The following SURF6 variants were observed in gnomAD, a reference collection of about 807,000 sequenced individuals.
SURF6 encodes the protein surfeit 6.
In SURF6, 28 loss-of-function variants were observed where a neutral mutation model predicts 37.5. The observed-to-expected ratio is 0.75, with a 90% CI of 0.55 to 1.02. The LOEUF is 1.02. Ranked by LOEUF, SURF6 falls within the 50% of genes least tolerant of loss-of-function variation. The pLI is 0.00. For missense variants in SURF6, 560 were observed against 490.5 expected, an observed-to-expected ratio of 1.14 and a Z score of -1.34; for synonymous variants, 248 against 210.9, an observed-to-expected ratio of 1.18 and a Z score of -1.52.
Position 133,332,001 on chromosome 9 carries a change from C to T in SURF6, c.954G>A (p.Met318Ile), listed in dbSNP as rs2129913725. ...GCCGCCGCCGGTCCTGGCGCTGCTG[C>T]ATCTTCTCCACCACGCCGGCCGTGC... ...EKRTAGVVEK[M>I]QQRQDRRRQN... Residue 318 changes from methionine to isoleucine, a missense_variant, in exon 5 of 5, where the codon ATG (methionine) becomes ATA (isoleucine). Met to Ile is a conservative substitution (Grantham distance 10). Transcript: ENST00000372022. 4 of 1,599,696 alleles carry T rather than the reference C, an allele frequency of 2.5e-6. No individual in the cohort carries two copies. The highest frequency in any genetic ancestry group is 2.5e-6 in the Non-Finnish European group (3 of 1,179,108).
chr9:133,332,172 C>T lies in SURF6; in HGVS notation c.783G>A (p.Ala261=), dbSNP rs1447320030. ...DELRGQDEGK[A]QELEAKMKWT... The stretch of plus-strand genomic sequence containing the variant: ...ACTTCATCTTCGCCTCCAGCTCCTG[C>T]GCCTTCCCCTCATCCTGGCCGCGCA... Residue 261 remains alanine (A), a synonymous_variant, in exon 5 of 5, where the codon GCG becomes GCA. Transcript: ENST00000372022. 6.2e-6 allele frequency: 10 copies of T among 1,610,334 alleles called. 1 individual carries two copies. In the South Asian group the frequency reaches 8.8e-5, roughly 14 times the overall value.
At chr9:133,335,602 G>GC (rs1835853129) in intron 1 of SURF6, among the ~76,000 whole-genome samples, 1 of 151,724 alleles carries the variant, frequency 6.6e-6, no homozygotes, top group Admixed American at 6.6e-5. Context: ...AAGCGCAGGA[G>GC]CCCTCTGCCA....
rs1239681840 is a variant in SURF6, at chr9:133,331,715, C to G, written c.*154G>C. 3.1e-6 allele frequency: 3 copies of G among 979,638 alleles called. No individual in the cohort carries two copies. The highest frequency in any genetic ancestry group is 1.7e-5 in the African/African-American group (1 of 58,280). 60.7% of individuals were successfully genotyped at this position (979,638 alleles called of 1,614,324 possible). ...CTCTTTCTCACATGGGATCTGTGAT[C>G]TGGGCCCTCACAACTCAGCAGAGCA... On this transcript the variant is annotated 3_prime_UTR_variant, in exon 5 of 5. Transcript: ENST00000372022.
chr9:133,332,626 C>T lies in SURF6; in HGVS notation c.528G>A (p.Glu176=), dbSNP rs1479642956. The T allele has an allele frequency of 1.9e-6, 3 of 1,611,276 alleles. No homozygotes were observed. Among genetic ancestry groups the T allele is most frequent in the African/African-American group, 1.3e-5 (1 of 75,062 alleles). Reference sequence around the variant, plus strand: ...GGGTTGCCTCCACCACCTCCTGGGCCTCCGTGGCCTCCTCAGCCTTCCTGG... The same window carrying T: ...GGGTTGCCTCCACCACCTCCTGGGCTTCCGTGGCCTCCTCAGCCTTCCTGG... ...EKARKAEEAT[E]AQEVVEATPE... is the part of the protein sequence containing the mutation. The change falls in exon 4 of 5, where the codon GAG becomes GAA. Residue 176 remains glutamate, a synonymous_variant. Coordinates refer to ENST00000372022, the MANE Select transcript of SURF6 (RefSeq NM_006753.6).
intron 1 of SURF6, among the ~76,000 whole-genome samples, chr9:133,335,471 A>G (rs2129931479): frequency 7.9e-5 from 12 of 152,132 alleles, no homozygotes; most frequent in African/African-American, 2.9e-4. Context: ...GTGGTTCCAG[A>G]GACCCTGCTG....
At position 133,334,523 on chromosome 9, in the gene SURF6, C is replaced by T. The variant is rs2129927970; in HGVS notation, c.173G>A (p.Arg58Gln). 64 of 1,614,024 alleles carry T rather than the reference C, an allele frequency of 4.0e-5. No homozygotes were observed. Among genetic ancestry groups the T allele is most frequent in the Non-Finnish European group, 4.9e-5 (58 of 1,180,038 alleles). Reference sequence around the variant, plus strand: ...CTTGTGCTCAGCAGCCTTCTCTTCTCGCTTCCGGAATTTCTTTTGTGTTTT... The same window carrying T: ...CTTGTGCTCAGCAGCCTTCTCTTCTTGCTTCCGGAATTTCTTTTGTGTTTT... ...RKKTQKKFRK[R>Q]EEKAAEHKAK... Residue 58 changes from arginine to glutamine, a missense_variant, in exon 2 of 5, where the codon CGA becomes CAA. Arg to Gln is a conservative substitution (Grantham distance 43, BLOSUM62 1). Coordinates refer to ENST00000372022, the MANE Select transcript of SURF6 (RefSeq NM_006753.6).
rs4962131 is a variant in SURF6, at chr9:133,331,720, C to A, written c.*149G>T. ...TCTCACATGGGATCTGTGATCTGGGCCCTCACAACTCAGCAGAGCACCACT... is the reference window on the plus strand; with the variant it reads ...TCTCACATGGGATCTGTGATCTGGGACCTCACAACTCAGCAGAGCACCACT... On this transcript the variant is annotated 3_prime_UTR_variant, in exon 5 of 5. Transcript: ENST00000372022. 2 of 1,012,402 alleles carry A rather than the reference C, an allele frequency of 2.0e-6. No homozygotes were observed. The highest frequency in any genetic ancestry group is 7.5e-5 in the Admixed American group (2 of 26,504). The allele number at this position is 1,012,402 out of a possible 1,614,324, so 62.7% of individuals were successfully genotyped here.
chr9:133,334,276 G>C (rs2129926377), intron 2 of SURF6, 116 bp downstream of exon 2: 2 of 928,592 alleles, frequency 2.2e-6, no homozygotes, highest in East Asian at 2.6e-5. Context: ...GGGAAGTCTC[G>C]TGCTATCCCT....
In SURF6 at chr9:133,331,739, C is replaced by G; in HGVS notation, c.*130G>C. The G allele has an allele frequency of 8.1e-7, 1 of 1,241,768 alleles. No homozygotes were observed. Among genetic ancestry groups the G allele is most frequent in the Non-Finnish European group, 1.1e-6 (1 of 949,734 alleles). The allele number at this position is 1,241,768 out of a possible 1,614,324, so 76.9% of individuals were successfully genotyped here. On this transcript the variant is annotated 3_prime_UTR_variant, in exon 5 of 5. Transcript: ENST00000372022. ...TCTGGGCCCTCACAACTCAGCAGAGCACCACTGTGTCCCCCTCACATGGAG... is the reference window on the plus strand; with the variant it reads ...TCTGGGCCCTCACAACTCAGCAGAGGACCACTGTGTCCCCCTCACATGGAG...
At chr9:133,334,244 A>C (rs1835817298) in intron 2 of SURF6, 148 bp downstream of exon 2, 1 of 709,104 alleles carries the variant, frequency 1.4e-6, no homozygotes, top group South Asian at 2.0e-5. Context: ...CCACCCTAGC[A>C]CTCCTGTGAT....
At position 133,332,628 on chromosome 9, in the gene SURF6, CCGTGGCCTCCT is replaced by C. The variant is rs1356098149; in HGVS notation, c.515_525del (p.Glu172GlyfsTer27). On this transcript the variant is annotated frameshift_variant, in exon 4 of 5. Transcript: ENST00000372022. LOFTEE classifies it high-confidence loss of function. Reference sequence around the variant, plus strand: ...GTTGCCTCCACCACCTCCTGGGCCTCCGTGGCCTCCTCAGCCTTCCTGGCCTTCTCTTTCGC... The same window carrying C: ...GTTGCCTCCACCACCTCCTGGGCCTCCAGCCTTCCTGGCCTTCTCTTTCGC... 3 of 1,611,322 alleles carry C rather than the reference CCGTGGCCTCCT, an allele frequency of 1.9e-6. No homozygotes were observed. The Middle Eastern group carries it at 4.9e-4, about 266-fold the overall frequency.
chr9:133,332,447 A>C lies in SURF6; in HGVS notation c.607-99T>G, dbSNP rs2129918462. 2.3e-5 allele frequency: 35 copies of C among 1,539,114 alleles called. No homozygotes were observed. The Middle Eastern group carries it at 1.4e-3, about 62-fold the overall frequency. ...CCTGCGAGGTCCCCGTCACCACCTT[A>C]CAGACATGATGGGGTTCGGAGAGAG... On this transcript the variant is annotated intron_variant, in intron 4 of 4. Transcript: ENST00000372022.
chr9:133,333,938 G>T, intron 2 of SURF6, 132 bp from the exon 3 acceptor site: 1 of 724,004 alleles, frequency 1.4e-6, no homozygotes, highest in Non-Finnish European at 2.4e-6. Context: ...CCACTCCACC[G>T]CTTCAACCTG....
At position 133,332,248 on chromosome 9, in the gene SURF6, T is replaced by C; in HGVS notation, c.707A>G (p.Tyr236Cys). 1 of 1,604,748 alleles carries C rather than the reference T, an allele frequency of 6.2e-7. No homozygotes were observed. Among genetic ancestry groups the C allele is most frequent in the South Asian group, 1.1e-5 (1 of 91,054 alleles). Reference sequence around the variant, plus strand: ...CTGCAGGCGCTCCAGCAGCTGCCGGTAGTTCCTCCCGGTCAGCGGCGTGAG... The same window carrying C: ...CTGCAGGCGCTCCAGCAGCTGCCGGCAGTTCCTCCCGGTCAGCGGCGTGAG... ...GNLTPLTGRN[Y>C]RQLLERLQAR... The change falls in exon 5 of 5, where the codon TAC becomes TGC. Residue 236 changes from tyrosine (Y) to cysteine (C), a missense_variant. Transcript: ENST00000372022.
rs2129916510 is a variant in SURF6 at position 133,332,230 on chromosome 9, C to T, written c.725G>A (p.Arg242His). The change falls in exon 5 of 5, where the codon CGC becomes CAC. Residue 242 changes from arginine to histidine, a missense_variant. Coordinates refer to ENST00000372022, the MANE Select transcript of SURF6 (RefSeq NM_006753.6). The stretch of plus-strand genomic sequence containing the variant: ...CAGCCGGCTCTGCCGTGCCTGCAGG[C>T]GCTCCAGCAGCTGCCGGTAGTTCCT... The part of the protein sequence containing the change: ...TGRNYRQLLE[R>H]LQARQSRLDE... 2.1e-5 allele frequency: 33 copies of T among 1,606,190 alleles called. No individual in the cohort carries two copies. Among genetic ancestry groups the T allele is most frequent in the South Asian group, 9.9e-5 (9 of 91,066 alleles).
rs1835664094 is a variant in SURF6 at position 133,329,378 on chromosome 9, TCTCTA to T, written c.*2486_*2490del. 8.7e-6 allele frequency: 2 copies of T among 228,922 alleles called. No homozygotes were observed. Among genetic ancestry groups the T allele is most frequent in the African/African-American group, 4.7e-5 (2 of 42,808 alleles). The allele number at this position is 228,922 out of a possible 1,614,324, so 14.2% of individuals were successfully genotyped here. ...CACAAGAGGTGGAAGAGCAGAGTCT[TCTCTA>T]AACTCCTCCAGGGAAAGGGACACTC... On this transcript the variant is annotated 3_prime_UTR_variant, in exon 5 of 5. Transcript: ENST00000372022.
chr9:133,330,182 T>C lies in SURF6; in HGVS notation c.*1687A>G, dbSNP rs1315669865. On this transcript the variant is annotated 3_prime_UTR_variant, in exon 5 of 5. Transcript: ENST00000372022. ...ATAAATGGCACTATTTATCTGTAGA[T>C]GCACATACATTTAGGGGCTATGTTT... 4 of 152,248 alleles carry C rather than the reference T, an allele frequency of 2.6e-5. No homozygotes were observed. The highest frequency in any genetic ancestry group is 7.2e-5 in the African/African-American group (3 of 41,464). 9.4% of individuals were successfully genotyped at this position (152,248 alleles called of 1,614,324 possible).
chr9:133,333,682 A>G, intron 3 of SURF6, 36 bp downstream of exon 3: 1 of 1,592,710 alleles, frequency 6.3e-7, no homozygotes, highest in Non-Finnish European at 8.6e-7. Context: ...ACACAGGCAG[A>G]GCAGTGACGG....
chr9:133,332,648 C>T lies in SURF6; in HGVS notation c.506G>A (p.Arg169Lys), dbSNP rs2129920279. Residue 169 changes from arginine to lysine, a missense_variant, in exon 4 of 5, where the codon AGG (arginine) becomes AAG (lysine). By Grantham distance (26) the Arg-to-Lys change is conservative. Coordinates refer to ENST00000372022, the MANE Select transcript of SURF6 (RefSeq NM_006753.6). Reference protein sequence around the residue: ...RKELRAKEKARKAEEATEAQE... With the variant: ...RKELRAKEKAKKAEEATEAQE... Reference sequence around the variant, plus strand: ...GGCCTCCGTGGCCTCCTCAGCCTTCCTGGCCTTCTCTTTCGCCCGCAGCTC... The same window carrying T: ...GGCCTCCGTGGCCTCCTCAGCCTTCTTGGCCTTCTCTTTCGCCCGCAGCTC... 1 of 1,611,896 alleles carries T rather than the reference C, an allele frequency of 6.2e-7. No individual in the cohort carries two copies. The highest frequency in any genetic ancestry group is 2.2e-5 in the East Asian group (1 of 44,874).
Sources: allele counts gnomAD v4.1 joint callset (sites outside exome capture counted in the v4.1 genomes callset), GRCh38; gene constraint gnomAD v4.1.1; transcripts MANE v1.5; gene names NCBI Gene and HGNC (gene_info 2026-07-23, HGNC 2026-07-21).